The following BACH1 variants were observed in gnomAD, a reference collection of about 807,000 sequenced individuals.
The protein encoded by BACH1 is BTB domain and CNC homolog 1, also known as transcription regulator protein BACH1.
BACH1 carries 35 observed loss-of-function variants against 52.9 expected under a neutral mutation model. The observed-to-expected ratio is 0.66, with a 90% CI of 0.51 to 0.88. The LOEUF is 0.88. BACH1 is among the 40% of genes least tolerant of loss of function. The probability of loss-of-function intolerance (pLI) is 0.00; values close to 1 mark genes in which losing one functional copy is unlikely to be tolerated. For synonymous variants in BACH1, 321 were observed against 319.6 expected, an observed-to-expected ratio of 1.00 and a Z score of -0.05; for missense variants, 808 against 872.6, an observed-to-expected ratio of 0.93 and a Z score of 0.93.
chr21:29,358,777 A>AGAAG (rs2089252100), intron 2 of BACH1, among the ~76,000 whole-genome samples: 1 of 84,750 alleles, frequency 1.2e-5, no homozygotes, highest in Non-Finnish European at 2.9e-5. Flanking sequence ...AAGAAAAGAA[A>AGAAG]GAAAGAAAGA....
chr21:29,317,202 C>T (rs139608857), intron 1 of BACH1, among the ~76,000 whole-genome samples: 88 of 152,332 alleles, frequency 5.8e-4, no homozygotes, highest in Non-Finnish European at 1.0e-3. Context: ...CCATTGCACC[C>T]GCCCATGTGG....
chr21:29,337,082 T>C (rs1413177877), intron 4 of BACH1, among the ~76,000 whole-genome samples: 2 of 152,238 alleles, frequency 1.3e-5, no homozygotes, highest in Non-Finnish European at 2.9e-5. Flanking sequence ...ATTATTCTTT[T>C]TGATGTTGAC....
chr21:29,327,050 A>G lies in BACH1; in HGVS notation c.1226A>G (p.Asp409Gly), dbSNP rs192983982. The change falls in exon 3 of 5, where the codon GAC becomes GGC. Residue 409 changes from aspartate (D) to glycine (G), a missense_variant. Physicochemically the swap from Asp to Gly is moderately conservative, Grantham distance 94. Coordinates refer to ENST00000286800, the MANE Select transcript of BACH1 (RefSeq NM_001186.4). ...TTCTGGAGTGACATTTGCAGCACGGACACTCCTTGCCAAATGCAGTTATCA... is the reference window on the plus strand; with the variant it reads ...TTCTGGAGTGACATTTGCAGCACGGGCACTCCTTGCCAAATGCAGTTATCA... Reference protein sequence around the residue: ...KGFWSDICSTDTPCQMQLSPA... With the variant: ...KGFWSDICSTGTPCQMQLSPA... The G allele has an allele frequency of 1.2e-6, 2 of 1,614,204 alleles. No individual in the cohort carries two copies. Among genetic ancestry groups the G allele is most frequent in the Non-Finnish European group, 1.7e-6 (2 of 1,180,030 alleles).
At position 29,321,207 on chromosome 21, in the gene BACH1, A is replaced by G. The variant is rs752987492; in HGVS notation, c.-60-14A>G. 17 of 1,231,788 alleles carry G rather than the reference A, an allele frequency of 1.4e-5. No homozygotes were observed. The highest frequency in any genetic ancestry group is 3.5e-5 in the Admixed American group (2 of 57,872). 76.3% of individuals were successfully genotyped at this position (1,231,788 alleles called of 1,614,324 possible). A position where few individuals can be genotyped will look rare whatever the true frequency, so the allele number is the denominator to read the frequency against. On this transcript the variant is annotated splice_polypyrimidine_tract_variant and intron_variant, in intron 1 of 4. Coordinates refer to ENST00000286800, the MANE Select transcript of BACH1 (RefSeq NM_001186.4). Reference sequence around the variant, plus strand: ...AGATGTTATTTAAGTGAAATCTTGCATGTGTGTTTGCAGGTTGATGATAAT... The same window carrying G: ...AGATGTTATTTAAGTGAAATCTTGCGTGTGTGTTTGCAGGTTGATGATAAT...
At chr21:29,332,008 C>T (rs190490145) in intron 4 of BACH1, among the ~76,000 whole-genome samples, 26 of 152,280 alleles carry the variant, frequency 1.7e-4, no homozygotes, top group South Asian at 4.1e-4. Context: ...TCAAGCGATT[C>T]TCCTGTCTCT....
chr21:29,360,761 C>T (rs1682964846), intron 2 of BACH1, among the ~76,000 whole-genome samples: 1 of 150,988 alleles, frequency 6.6e-6, no homozygotes, highest in African/African-American at 2.4e-5. Flanking sequence ...AGGAGAATAG[C>T]TTGAACCCAC....
At chr21:29,312,757 A>T (rs2074918039) in intron 1 of BACH1, among the ~76,000 whole-genome samples, 1 of 152,214 alleles carries the variant, frequency 6.6e-6, no homozygotes, top group Non-Finnish European at 1.5e-5. Flanking sequence ...GCTGAGATAA[A>T]GAATGCCTAA....
At chr21:29,312,797 A>G (rs765233793) in intron 1 of BACH1, among the ~76,000 whole-genome samples, 3 of 152,200 alleles carry the variant, frequency 2.0e-5, no homozygotes, top group Non-Finnish European at 4.4e-5. Context: ...ATATTCATAT[A>G]CTGGAGGACT....
rs2089047604 is a variant in BACH1, at chr21:29,336,612, T to C, written c.1777-5787T>C. On this transcript the variant is annotated intron_variant, in intron 4 of 4. Transcript: ENST00000286800. ...TAAATCTTTCATTCTATTTACATTA[T>C]TTTAGTTGGTATTCCTGATTAAAAA... Among the ~76,000 whole-genome samples, 2 of 152,172 alleles carry C rather than the reference T, an allele frequency of 1.3e-5. 1 individual carries two copies. Among genetic ancestry groups the C allele is most frequent in the South Asian group, 4.1e-4 (2 of 4,832 alleles).
chr21:29,349,954 C>T (rs1410405283), downstream of BACH1, among the ~76,000 whole-genome samples: 1 of 152,124 alleles, frequency 6.6e-6, no homozygotes, highest in Non-Finnish European at 1.5e-5. Flanking sequence ...CTTCTGAAGT[C>T]CTTGCGCCTT....
chr21:29,321,470 G>A lies in BACH1; in HGVS notation c.190G>A (p.Val64Ile), dbSNP rs187935039. 1.7e-5 allele frequency: 28 copies of A among 1,614,186 alleles called. No homozygotes were observed. In the East Asian group the frequency reaches 2.2e-4, roughly 13 times the overall value. ...CAGCAGTTACTTCCACTCAAGAATC[G>A]TAGGCCAGGCTGATGGAGAGCTGAA... ...ACSSYFHSRI[V>I]GQADGELNIT... The change falls in exon 2 of 5, where the codon GTA becomes ATA. Residue 64 changes from valine to isoleucine, a missense_variant. By Grantham distance (29) the Val-to-Ile change is conservative (BLOSUM62 3). Transcript: ENST00000286800.
chr21:29,359,927 G>A (rs2123497797), intron 2 of BACH1, among the ~76,000 whole-genome samples: 1 of 152,174 alleles, frequency 6.6e-6, no homozygotes, highest in East Asian at 1.9e-4. Context: ...TGCTTCCTCT[G>A]ACCTATTGTT....
chr21:29,324,425 T>C (rs1001452930), intron 2 of BACH1, among the ~76,000 whole-genome samples: 1 of 152,140 alleles, frequency 6.6e-6, no homozygotes, highest in Non-Finnish European at 1.5e-5. Flanking sequence ...AAATGTTATA[T>C]AAATGGAATT....
At chr21:29,328,516 A>AT (rs1411451841) in intron 3 of BACH1, among the ~76,000 whole-genome samples, 2 of 150,722 alleles carry the variant, frequency 1.3e-5, no homozygotes, top group African/African-American at 4.9e-5. Context: ...TATCCATTGC[A>AT]TTTTTTCCCC....
rs1318020643 is a variant in BACH1, at chr21:29,321,982, G to A, written c.234+468G>A. 2.0e-5 allele frequency among the ~76,000 whole-genome samples: 3 copies of A among 152,176 alleles called. No individual in the cohort carries two copies. The South Asian group carries it at 6.2e-4, about 32-fold the overall frequency. On this transcript the variant is annotated intron_variant, in intron 2 of 4. Transcript: ENST00000286800. ...TCGGCTCACAGTTGCACATGGCTGGGGAGACCTCACAATCATGGTGGAAGA... is the reference window on the plus strand; with the variant it reads ...TCGGCTCACAGTTGCACATGGCTGGAGAGACCTCACAATCATGGTGGAAGA...
Position 29,344,744 on chromosome 21 carries a change from G to A in BACH1, c.*1911G>A, listed in dbSNP as rs913930553. The A allele has an allele frequency of 5.3e-5, 8 of 151,840 alleles. No homozygotes were observed. The highest frequency in any genetic ancestry group is 3.9e-4 in the Admixed American group (6 of 15,224). The allele number at this position is 151,840 out of a possible 1,614,324, so 9.4% of individuals were successfully genotyped here. A position where few individuals can be genotyped will look rare whatever the true frequency, so the allele number is the denominator to read the frequency against. The stretch of plus-strand genomic sequence containing the variant: ...TTGTAATTTTAAATTTCAGCTTCAC[G>A]ATATAAAATAATATAAGAACTTCTG... On this transcript the variant is annotated 3_prime_UTR_variant, in exon 5 of 5. Transcript: ENST00000286800.
chr21:29,347,370 G>A (rs372907767), downstream of BACH1, among the ~76,000 whole-genome samples: 64 of 152,304 alleles, frequency 4.2e-4, 1 homozygote, highest in South Asian at 5.2e-3. Context: ...GGGGTGGGCC[G>A]AGCCAAGTAG....
At chr21:29,315,694 G>A (rs985158338) in intron 1 of BACH1, among the ~76,000 whole-genome samples, 6 of 152,204 alleles carry the variant, frequency 3.9e-5, no homozygotes, top group Middle Eastern at 3.4e-3. Context: ...TGAATATTAT[G>A]GTTAAATGAA....
chr21:29,360,751 A>G (rs1436138060), intron 2 of BACH1, among the ~76,000 whole-genome samples: 1 of 151,412 alleles, frequency 6.6e-6, no homozygotes, highest in African/African-American at 2.4e-5. Context: ...AGGCTGAGAC[A>G]GGAGAATAGC....
Sources: allele counts gnomAD v4.1 joint callset (sites outside exome capture counted in the v4.1 genomes callset), GRCh38; gene constraint gnomAD v4.1.1; transcripts MANE v1.5; gene names NCBI Gene and HGNC (gene_info 2026-07-23, HGNC 2026-07-21).